L3HYPDH: variants seen among roughly 807,000 people sequenced by gnomAD.
The protein encoded by L3HYPDH is trans-L-3-hydroxyproline dehydratase.
Under a neutral mutation model 26.5 loss-of-function variants are expected in L3HYPDH, and 32 were observed. The ratio of observed to expected loss-of-function variants is 1.21; its 90% CI spans 0.91 to 1.62. The LOEUF is 1.62. Among genes scored for constraint, L3HYPDH ranks in the 40% most tolerant of loss-of-function variants. The probability of loss-of-function intolerance (pLI) is 0.00; values close to 1 mark genes in which losing one functional copy is unlikely to be tolerated. For synonymous variants in L3HYPDH, 215 were observed against 196.6 expected (o/e 1.09, Z -0.78); for missense variants, 554 against 476.4 (o/e 1.16, Z -1.52).
intron 4 of L3HYPDH, among the ~76,000 whole-genome samples, chr14:59,474,199 A>AG (rs769946441): frequency 6.6e-6 from 1 of 152,130 alleles, no homozygotes; most frequent in Non-Finnish European, 1.5e-5. Context: ...CTGGGGGGTA[A>AG]GCCAAGGGCA....
At chr14:59,487,720 C>G, upstream of L3HYPDH, 2 of 1,613,216 alleles carry the variant, frequency 1.2e-6, no homozygotes, top group Non-Finnish European at 1.7e-6. Flanking sequence ...TATTGTCAGC[C>G]TTGCACAGAA....
chr14:59,489,195 ATAAGTC>A (rs796337371), upstream of L3HYPDH, among the ~76,000 whole-genome samples: 10 of 58,346 alleles, frequency 1.7e-4, no homozygotes, highest in African/African-American at 1.1e-3. Flanking sequence ...CTTTTTAAGT[ATAAGTC>A]CCAATTTTTA....
chr14:59,484,878 C>G, upstream of L3HYPDH: 2 of 1,281,946 alleles, frequency 1.6e-6, no homozygotes, highest in Non-Finnish European at 2.1e-6. Flanking sequence ...CGAGGGAACA[C>G]TTGCTTGAGG....
upstream of L3HYPDH, chr14:59,484,816 C>A: frequency 1.1e-6 from 1 of 936,206 alleles, no homozygotes; most frequent in Non-Finnish European, 1.6e-6. Flanking sequence ...GGCGAAATGC[C>A]AGGTCTTTGT....
the L3HYPDH span, among the ~76,000 whole-genome samples, chr14:59,494,121 GGTGTGT>G: frequency 6.6e-6 from 1 of 150,964 alleles, no homozygotes; most frequent in Non-Finnish European, 1.5e-5. Context: ...AGAAAATTTG[GGTGTGT>G]GTGTGTGTGT....
the L3HYPDH span, chr14:59,504,019 G>A: frequency 1.2e-6 from 2 of 1,613,734 alleles, no homozygotes; most frequent in Non-Finnish European, 1.7e-6. Context: ...CTTGTTCACT[G>A]CAAAATTTAC....
the L3HYPDH span, among the ~76,000 whole-genome samples, chr14:59,502,760 T>TGTTTTGTTTTTTTTTG: frequency 7.7e-6 from 1 of 130,112 alleles, no homozygotes; most frequent in Non-Finnish European, 1.6e-5. Flanking sequence ...ATTTTTTTTT[T>TGTTTTGTTTTTTTTTG]TTTTTTTTTT....
In L3HYPDH at chr14:59,483,930, G is replaced by C. The variant is rs1890265534; in HGVS notation, c.387C>G (p.Arg129=). 7 of 1,554,544 alleles carry C rather than the reference G, an allele frequency of 4.5e-6. No individual in the cohort carries two copies. The highest frequency in any genetic ancestry group is 6.1e-6 in the Non-Finnish European group (7 of 1,155,650). The change falls in exon 1 of 5, where the codon CGC becomes CGG. Residue 129 remains arginine, a synonymous_variant. Transcript: ENST00000247194. ...GLVPAPPAGT[R]EARVNIHCPC... ...GGCAGTGGATATTGACGCGGGCCTC[G>C]CGGGTGCCCGCAGGGGGCGCCGGCA...
At chr14:59,481,120 G>A (rs1889989180) in intron 1 of L3HYPDH, among the ~76,000 whole-genome samples, 1 of 152,140 alleles carries the variant, frequency 6.6e-6, no homozygotes, top group African/African-American at 2.4e-5. Context: ...TTCTTAGGGT[G>A]GGCAGTTGGG....
Position 59,475,958 on chromosome 14 carries a change from G to A in L3HYPDH, c.850C>T (p.Gln284Ter), listed in dbSNP as rs762453312. ...AGTTCCAGAAGCCCTTTGTGATACT[G>A]TAAGGCAATTCGGGCTGTCACTCCT... Reference protein sequence around the residue: ...GSGVTARIALQYHKGLLELNQ... With the variant: ...GSGVTARIAL Residue 284 changes from glutamine to a stop codon, truncating the protein, a stop_gained, in exon 4 of 5, where the codon CAG becomes TAG. Coordinates refer to ENST00000247194, the MANE Select transcript of L3HYPDH (RefSeq NM_144581.2). LOFTEE classifies it high-confidence loss of function. 8.7e-6 allele frequency: 14 copies of A among 1,613,964 alleles called. No individual in the cohort carries two copies. In the South Asian group the frequency reaches 1.5e-4, roughly 18 times the overall value.
downstream of L3HYPDH, among the ~76,000 whole-genome samples, chr14:59,470,946 G>A (rs1325965157): frequency 8.7e-6 from 1 of 114,724 alleles, no homozygotes; most frequent in Non-Finnish European, 1.9e-5. Context: ...GTGTGGGGGT[G>A]GCTGGGGGCG....
At position 59,483,842 on chromosome 14, in the gene L3HYPDH, A is replaced by G. The variant is rs1388946119; in HGVS notation, c.475T>C (p.Phe159Leu). ...EDGRSHGPVR[F>L]HSVPAFVLAT... ...AGCACGAAGGCCGGGACGCTGTGGA[A>G]GCGCACCGGTCCGTGGCTGCGGCCG... The change falls in exon 1 of 5, where the codon TTC (phenylalanine) becomes CTC (leucine). Residue 159 changes from phenylalanine (F) to leucine (L), a missense_variant. Coordinates refer to ENST00000247194, the MANE Select transcript of L3HYPDH (RefSeq NM_144581.2). 1.7e-5 allele frequency: 27 copies of G among 1,589,052 alleles called. No homozygotes were observed. The highest frequency in any genetic ancestry group is 2.1e-5 in the Non-Finnish European group (25 of 1,174,958).
At chr14:59,479,883 AC>A (rs148745571) in intron 1 of L3HYPDH, among the ~76,000 whole-genome samples, 1,798 of 152,348 alleles carry the variant, frequency 0.012, 28 homozygotes, top group African/African-American at 0.042. Context: ...CTGCAGGCAA[AC>A]ACAGAAAAAT....
At chr14:59,484,741 C>T (rs1890387990), upstream of L3HYPDH, 33 of 1,087,168 alleles carry the variant, frequency 3.0e-5, no homozygotes, top group South Asian at 4.4e-4. Flanking sequence ...GGGCCGGGCT[C>T]CGCACTCCTG....
At chr14:59,503,695 T>C in the L3HYPDH span, among the ~76,000 whole-genome samples, 1 of 152,026 alleles carries the variant, frequency 6.6e-6, no homozygotes, top group African/African-American at 2.4e-5. Flanking sequence ...TAAAGTGGAG[T>C]GGCTAGACTG....
In L3HYPDH at chr14:59,472,843, T is replaced by G. The variant is rs1318709862; in HGVS notation, c.*122A>C. ...CTTTATATTTAGCCACAGGGTAGTA[T>G]TTTACAAAGAATGAGAGTTAGTTTA... is the stretch of plus-strand genomic sequence containing the variant. On this transcript the variant is annotated 3_prime_UTR_variant, in exon 5 of 5. Coordinates refer to ENST00000247194, the MANE Select transcript of L3HYPDH (RefSeq NM_144581.2). 1.2e-6 allele frequency: 1 copy of G among 849,072 alleles called. No individual in the cohort carries two copies. The highest frequency in any genetic ancestry group is 1.7e-6 in the Non-Finnish European group (1 of 591,630). 52.6% of individuals were successfully genotyped at this position (849,072 alleles called of 1,614,324 possible).
At chr14:59,486,859 A>G (rs1890620248), upstream of L3HYPDH, 2 of 1,147,938 alleles carry the variant, frequency 1.7e-6, no homozygotes, top group South Asian at 2.8e-5. Context: ...TGCTTTTGAA[A>G]TATTTTCACA....
At chr14:59,476,555 T>C (rs1434654176) in intron 2 of L3HYPDH, among the ~76,000 whole-genome samples, 1 of 152,204 alleles carries the variant, frequency 6.6e-6, no homozygotes, top group Non-Finnish European at 1.5e-5. Flanking sequence ...ATCCACAGGC[T>C]GGCGATGGCT....
chr14:59,480,956 G>A lies in L3HYPDH; in HGVS notation c.509-1605C>T, dbSNP rs1253100. Among the ~76,000 whole-genome samples the A allele has an allele frequency of 2.1e-3, 316 of 152,116 alleles. 11 individuals are homozygous for A. The East Asian group carries it at 0.056, about 27-fold the overall frequency. ...CAGGTGACGGTCCCAGGGTTCAGTC[G>A]GCCTGCCCTCTTCCCTTGATTGTAA... On this transcript the variant is annotated intron_variant, in intron 1 of 4. Transcript: ENST00000247194.
Sources: gnomAD v4.1 joint callset for allele counts (sites outside exome capture counted in the v4.1 genomes callset) on GRCh38, gnomAD v4.1.1 for gene constraint, MANE v1.5 for transcripts, NCBI Gene and HGNC (gene_info 2026-07-23, HGNC 2026-07-21) for gene names.